Variants in EFCAB8 observed in about 807,000 individuals in gnomAD.
The protein encoded by EFCAB8 is EF-hand calcium-binding domain-containing protein 8.
EFCAB8 carries 100 observed loss-of-function variants against 116.3 expected under a neutral mutation model. That is an observed-to-expected ratio of 0.86 (90% CI 0.73 to 1.02). The LOEUF (loss-of-function observed/expected upper bound fraction) is 1.02. Ranked by LOEUF, EFCAB8 falls within the 50% of genes least tolerant of loss-of-function variation. The pLI is 0.00. For synonymous variants in EFCAB8, 558 were observed against 567.9 expected (o/e 0.98, Z 0.25); for missense variants, 1,320 against 1,416.9 (o/e 0.93, Z 1.10).
At chr20:32,912,144 A>G (rs1360718712) in intron 16 of EFCAB8, among the ~76,000 whole-genome samples, 1 of 152,246 alleles carries the variant, frequency 6.6e-6, no homozygotes, top group East Asian at 1.9e-4. Flanking sequence ...CAACTCAGAA[A>G]GTGTACTTAG....
Position 32,931,314 on chromosome 20 carries a change from A to G in EFCAB8, c.2768A>G (p.Tyr923Cys). The G allele has an allele frequency of 6.5e-7, 1 of 1,549,016 alleles. No individual in the cohort carries two copies. Among genetic ancestry groups the G allele is most frequent in the Non-Finnish European group, 8.7e-7 (1 of 1,145,606 alleles). ...PQQLGTNFPHYIPLEDKEVVA... is the reference protein window; with the variant it reads ...PQQLGTNFPHCIPLEDKEVVA... The stretch of plus-strand genomic sequence containing the variant: ...CAACTTGGGACCAACTTCCCACACT[A>G]CATTCCCTTGGAGGATAAAGAGGTA... The change falls in exon 22 of 27, where the codon TAC becomes TGC. Residue 923 changes from tyrosine to cysteine, a missense_variant. Transcript: ENST00000400522.
intron 6 of EFCAB8, 116 bp downstream of exon 6, chr20:32,885,756 A>C (rs1985591849): frequency 7.7e-7 from 1 of 1,305,530 alleles, no homozygotes. Context: ...AGCAGCCTGG[A>C]CTTGCAGTCA....
intron 5 of EFCAB8, among the ~76,000 whole-genome samples, chr20:32,883,200 C>A (rs74895145): frequency 0.026 from 3,887 of 152,208 alleles, 63 homozygotes; most frequent in South Asian, 0.053. Context: ...CTGATATCAC[C>A]CAAGACATCT....
At chr20:32,892,396 T>C in intron 8 of EFCAB8, 99 bp downstream of exon 8, 1 of 1,073,028 alleles carries the variant, frequency 9.3e-7, no homozygotes, top group Non-Finnish European at 1.4e-6. Context: ...GAAAGCCTCC[T>C]TGGAAAGATC....
At chr20:32,939,257 A>T (rs1209931049) in intron 22 of EFCAB8, among the ~76,000 whole-genome samples, 7 of 72,266 alleles carry the variant, frequency 9.7e-5, no homozygotes, top group Admixed American at 5.3e-4. Context: ...CCTTCCTTCC[A>T]TATTCTCTCT....
chr20:32,911,907 G>A (rs1986944925), intron 16 of EFCAB8, among the ~76,000 whole-genome samples, 200 bp downstream of exon 16: 1 of 152,188 alleles, frequency 6.6e-6, no homozygotes. Context: ...GGACTAATGG[G>A]TTTCCACTAA....
In EFCAB8 at chr20:32,889,367, A is replaced by G; in HGVS notation, c.634A>G (p.Met212Val). Residue 212 changes from methionine (M) to valine (V), a missense_variant, in exon 7 of 27, where the codon ATG becomes GTG. Coordinates refer to ENST00000400522, the MANE Select transcript of EFCAB8 (RefSeq NM_001143967.2). ...CATTGACATGGTATGTCTGCACAAT[A>G]TGAACCTCGTTGCAGTTGCGTCTAC... ...WVIDMVCLHN[M>V]NLVAVASTRQ... 1.3e-6 allele frequency: 2 copies of G among 1,551,876 alleles called. No individual in the cohort carries two copies. The highest frequency in any genetic ancestry group is 1.4e-5 in the African/African-American group (1 of 73,160).
At chr20:32,914,119 G>A (rs866003862) in intron 17 of EFCAB8, among the ~76,000 whole-genome samples, 3 of 152,266 alleles carry the variant, frequency 2.0e-5, no homozygotes, top group African/African-American at 7.2e-5. Flanking sequence ...AATCTAGGTG[G>A]TGGAGGCAGC....
At chr20:32,898,988 G>A (rs1479284169) in intron 11 of EFCAB8, among the ~76,000 whole-genome samples, 1 of 152,222 alleles carries the variant, frequency 6.6e-6, no homozygotes, top group Non-Finnish European at 1.5e-5. Context: ...TCTGTGGTAT[G>A]TGTTCAGTAA....
intron 4 of EFCAB8, 29 bp downstream of exon 4, chr20:32,876,073 TGCTGGAGGGAG>T (rs1984956436): frequency 2.0e-6 from 3 of 1,534,952 alleles, no homozygotes; most frequent in Non-Finnish European, 2.6e-6. Flanking sequence ...CTTCCTCAGG[TGCTGGAGGGAG>T]GCTGGAGGGT....
chr20:32,905,496 C>T lies in EFCAB8; in HGVS notation c.1089-1066C>T, dbSNP rs1050105779. Among the ~76,000 whole-genome samples, 3 of 152,154 alleles carry T rather than the reference C, an allele frequency of 2.0e-5. 1 individual carries two copies. Among genetic ancestry groups the T allele is most frequent in the Non-Finnish European group, 4.4e-5 (3 of 68,036 alleles). On this transcript the variant is annotated intron_variant, in intron 11 of 26. Coordinates refer to ENST00000400522, the MANE Select transcript of EFCAB8 (RefSeq NM_001143967.2). The stretch of plus-strand genomic sequence containing the variant: ...AGGACATTGGGGCTGGGTTTGGTGG[C>T]TCATGCCTGTAATCCCAGCACTTTG...
At chr20:32,895,739 T>G (rs1986128901) in intron 9 of EFCAB8, among the ~76,000 whole-genome samples, 1 of 151,900 alleles carries the variant, frequency 6.6e-6, no homozygotes, top group African/African-American at 2.4e-5. Context: ...GCCCGGCTAA[T>G]TTTTGTATTT....
At position 32,941,258 on chromosome 20, in the gene EFCAB8, T is replaced by TA. The variant is rs756522913; in HGVS notation, c.2791-2365dup. On this transcript the variant is annotated intron_variant, in intron 22 of 26. Coordinates refer to ENST00000400522, the MANE Select transcript of EFCAB8 (RefSeq NM_001143967.2). ...CAAGAGCAAAACTCCAAACTCTGTT[T>TA]AAAAAAAAAAAAAGAAAAAGAACAT... 7.7e-3 allele frequency among the ~76,000 whole-genome samples: 1,037 copies of TA among 135,254 alleles called. 55 individuals carry two copies. The highest frequency in any genetic ancestry group is 0.01 in the Non-Finnish European group (635 of 62,228). The allele number at this position is 135,254 out of a possible 152,430, so 88.7% of individuals were successfully genotyped here. A position where few individuals can be genotyped will look rare whatever the true frequency, so the allele number is the denominator to read the frequency against.
chr20:32,915,677 T>C (rs1487928425), intron 17 of EFCAB8, among the ~76,000 whole-genome samples: 6 of 151,712 alleles, frequency 4.0e-5, no homozygotes. Flanking sequence ...ACCTACTTTT[T>C]TTTTTTTTTT....
intron 2 of EFCAB8, among the ~76,000 whole-genome samples, chr20:32,866,074 T>C (rs1186744953): frequency 6.6e-6 from 1 of 152,058 alleles, no homozygotes; most frequent in Admixed American, 6.6e-5. Context: ...GGGTGTGTAG[T>C]GAGAGCCTTC....
At chr20:32,860,563 A>G (rs988662911) in intron 1 of EFCAB8, among the ~76,000 whole-genome samples, 18 of 132,200 alleles carry the variant, frequency 1.4e-4, no homozygotes, top group African/African-American at 4.1e-4. Context: ...CTGGAGTGCA[A>G]TGGCACAGTC....
intron 22 of EFCAB8, among the ~76,000 whole-genome samples, chr20:32,939,177 T>C (rs1376859983): frequency 6.4e-5 from 7 of 108,788 alleles, no homozygotes; most frequent in Admixed American, 1.7e-4. Flanking sequence ...CTTTCTTTCT[T>C]TCTTTCTTTC....
chr20:32,868,787 G>A (rs1041348780), intron 3 of EFCAB8, among the ~76,000 whole-genome samples: 16 of 152,066 alleles, frequency 1.1e-4, no homozygotes, highest in African/African-American at 3.9e-4. Flanking sequence ...GAGTTCAAGA[G>A]CAGCCTGGCC....
chr20:32,926,548 T>C (rs1158449615), intron 20 of EFCAB8, among the ~76,000 whole-genome samples: 84 of 150,826 alleles, frequency 5.6e-4, no homozygotes, highest in African/African-American at 2.0e-3. Context: ...TTAGGGTACA[T>C]GTGCACAATG....
Sources: gnomAD v4.1 joint callset for allele counts (sites outside exome capture counted in the v4.1 genomes callset) on GRCh38, gnomAD v4.1.1 for gene constraint, MANE v1.5 for transcripts, NCBI Gene and HGNC (gene_info 2026-07-23, HGNC 2026-07-21) for gene names.